FCHSD2: variants seen among roughly 807,000 people sequenced by gnomAD.
FCHSD2 encodes F-BAR and double SH3 domains protein 2.
Under a neutral mutation model 108.1 loss-of-function variants are expected in FCHSD2, and 38 were observed. The observed-to-expected ratio is 0.35, with a 90% confidence interval of 0.27 to 0.46. The LOEUF (loss-of-function observed/expected upper bound fraction) is 0.46. Among genes scored for constraint, FCHSD2 ranks in the 20% least tolerant of loss-of-function variants. The pLI is 1.00. For missense variants in FCHSD2, 751 were observed against 897.8 expected (o/e 0.84, Z 2.09); for synonymous variants, 279 against 314.7 (o/e 0.89, Z 1.20).
At chr11:73,123,312 C>A (rs1338177753) in intron 2 of FCHSD2, among the ~76,000 whole-genome samples, 1 of 152,142 alleles carries the variant, frequency 6.6e-6, no homozygotes, top group African/African-American at 2.4e-5. Flanking sequence ...CTAGCCAAGC[C>A]AGTATTTCCT....
intron 14 of FCHSD2, among the ~76,000 whole-genome samples, chr11:72,843,895 C>T (rs1435423498): frequency 6.6e-6 from 1 of 151,744 alleles, no homozygotes; most frequent in East Asian, 1.9e-4. Context: ...GTAGTCCCAA[C>T]TACTTGGGAG....
At chr11:72,939,193 A>G (rs974133425) in intron 8 of FCHSD2, among the ~76,000 whole-genome samples, 1 of 152,180 alleles carries the variant, frequency 6.6e-6, no homozygotes, top group Non-Finnish European at 1.5e-5. Flanking sequence ...TGTGCTTGGC[A>G]GTATTTGAAT....
intron 3 of FCHSD2, among the ~76,000 whole-genome samples, chr11:73,071,005 C>A (rs1390757643): frequency 6.6e-6 from 1 of 152,086 alleles, no homozygotes; most frequent in Non-Finnish European, 1.5e-5. Flanking sequence ...TTTTATTTGT[C>A]CAATTCCACA....
At chr11:73,060,814 G>C (rs1406942098) in intron 3 of FCHSD2, among the ~76,000 whole-genome samples, 1 of 152,160 alleles carries the variant, frequency 6.6e-6, no homozygotes, top group Non-Finnish European at 1.5e-5. Flanking sequence ...GGAGAGTTTG[G>C]CTCCTGCAAA....
intron 3 of FCHSD2, among the ~76,000 whole-genome samples, chr11:73,051,859 C>T (rs1858905022): frequency 2.1e-5 from 3 of 140,066 alleles, no homozygotes; most frequent in South Asian, 2.3e-4. Flanking sequence ...GATGCTAACA[C>T]GGTATATAAA....
chr11:73,062,648 G>A (rs945841929), intron 3 of FCHSD2, among the ~76,000 whole-genome samples: 3 of 152,080 alleles, frequency 2.0e-5, no homozygotes, highest in Non-Finnish European at 4.4e-5. Flanking sequence ...AGCATACACC[G>A]TTTCAATAGC....
chr11:73,129,078 A>T (rs562492150), intron 2 of FCHSD2, among the ~76,000 whole-genome samples: 1 of 152,060 alleles, frequency 6.6e-6, no homozygotes, highest in East Asian at 1.9e-4. Flanking sequence ...TCACCATGTT[A>T]GCCAGGATGG....
intron 5 of FCHSD2, among the ~76,000 whole-genome samples, chr11:72,989,348 G>A (rs1435594463): frequency 6.6e-6 from 1 of 152,174 alleles, no homozygotes; most frequent in African/African-American, 2.4e-5. Context: ...CCCGAGTGCT[G>A]CTGATGACTG....
Position 73,142,190 on chromosome 11 carries a change from G to A in FCHSD2, c.-313C>T, listed in dbSNP as rs532321128. On this transcript the variant is annotated 5_prime_UTR_variant, in exon 1 of 20. Transcript: ENST00000409418. ...GGGCCCCAGGAGCAGGGGCGCGAGG[G>A]TCTCAGCCGGCCGGGCGGCGGGTTA... 7.6e-5 allele frequency: 15 copies of A among 197,938 alleles called. No homozygotes were observed. The South Asian group carries it at 2.8e-3, about 37-fold the overall frequency. 12.3% of individuals were successfully genotyped at this position (197,938 alleles called of 1,614,324 possible).
chr11:73,138,351 A>G (rs905242669), intron 2 of FCHSD2, among the ~76,000 whole-genome samples: 5 of 152,204 alleles, frequency 3.3e-5, no homozygotes, highest in African/African-American at 1.2e-4. Flanking sequence ...GCACCAAGCT[A>G]CAGACAACAG....
At chr11:73,017,009 G>T (rs767272683) in intron 3 of FCHSD2, among the ~76,000 whole-genome samples, 4 of 152,122 alleles carry the variant, frequency 2.6e-5, no homozygotes, top group Non-Finnish European at 5.9e-5. Context: ...TTGAGACAAG[G>T]CCTCATTCCA....
At chr11:73,076,912 C>A (rs1024114696) in intron 3 of FCHSD2, among the ~76,000 whole-genome samples, 2 of 151,708 alleles carry the variant, frequency 1.3e-5, no homozygotes, top group African/African-American at 4.8e-5. Flanking sequence ...AGATCGAGAC[C>A]AACCTGGCTA....
intron 14 of FCHSD2, among the ~76,000 whole-genome samples, chr11:72,849,217 C>T (rs189176430): frequency 7.2e-5 from 11 of 152,278 alleles, no homozygotes; most frequent in African/African-American, 2.2e-4. Context: ...TTCACGCCTC[C>T]CTTCCAACAT....
intron 8 of FCHSD2, chr11:72,983,672 C>T (rs1221005466): frequency 4.4e-6 from 1 of 224,828 alleles, no homozygotes; most frequent in Non-Finnish European, 9.1e-6. Flanking sequence ...AAATGTCTTT[C>T]TCCGATGATT....
At chr11:72,901,126 T>A (rs981065795) in intron 10 of FCHSD2, among the ~76,000 whole-genome samples, 6 of 152,234 alleles carry the variant, frequency 3.9e-5, no homozygotes, top group Non-Finnish European at 8.8e-5. Context: ...ACATCGTGGC[T>A]CACGTCCGTA....
At chr11:72,879,999 C>CAAAA (rs541384964) in intron 12 of FCHSD2, among the ~76,000 whole-genome samples, 3 of 63,178 alleles carry the variant, frequency 4.7e-5, no homozygotes, top group African/African-American at 6.2e-5. Flanking sequence ...AATTCTGTCT[C>CAAAA]AAAAAAAAAA....
At chr11:72,957,099 T>C (rs1047250241) in intron 8 of FCHSD2, among the ~76,000 whole-genome samples, 7 of 151,474 alleles carry the variant, frequency 4.6e-5, no homozygotes, top group Admixed American at 3.3e-4. Context: ...TAATTACATA[T>C]GTATACATGT....
At chr11:72,985,488 G>A (rs1857293577) in intron 6 of FCHSD2, among the ~76,000 whole-genome samples, 1 of 152,120 alleles carries the variant, frequency 6.6e-6, no homozygotes, top group African/African-American at 2.4e-5. Context: ...TCCTGCAAAG[G>A]TTAGAGAGAC....
chr11:72,898,828 C>T (rs1855471548), intron 10 of FCHSD2, among the ~76,000 whole-genome samples: 1 of 151,702 alleles, frequency 6.6e-6, no homozygotes, highest in Non-Finnish European at 1.5e-5. Context: ...CTCCCGGGCT[C>T]AAGTGATCCT....
Sources: gnomAD v4.1 joint callset for allele counts (sites outside exome capture counted in the v4.1 genomes callset) on GRCh38, gnomAD v4.1.1 for gene constraint, MANE v1.5 for transcripts, NCBI Gene and HGNC (gene_info 2026-07-23, HGNC 2026-07-21) for gene names.